Variants in PCDHA4 observed in about 807,000 individuals in gnomAD.
PCDHA4 encodes the protein protocadherin alpha 4.
Under a neutral mutation model 61.4 loss-of-function variants are expected in PCDHA4, and 49 were observed. The ratio of observed to expected loss-of-function variants is 0.80; its 90% CI spans 0.63 to 1.01. The LOEUF (loss-of-function observed/expected upper bound fraction) is 1.01, where lower values mean the gene tolerates loss of function less well. PCDHA4 is among the 50% of genes least tolerant of loss of function. The pLI, the probability that PCDHA4 is intolerant of heterozygous loss-of-function variation, is 0.00. For missense variants in PCDHA4, 1,254 were observed against 1,235.8 expected (o/e 1.01, Z -0.22); for synonymous variants, 590 against 550.3 (o/e 1.07, Z -1.01).
At chr5:140,879,329 T>A (rs2057946411) in intron 1 of PCDHA4, among the ~76,000 whole-genome samples, 1 of 152,182 alleles carries the variant, frequency 6.6e-6, no homozygotes, top group Non-Finnish European at 1.5e-5. Context: ...ACTTTTTTAG[T>A]TTGTTCAGCT....
chr5:140,833,938 G>A, intron 1 of PCDHA4, among the ~76,000 whole-genome samples: 1 of 152,088 alleles, frequency 6.6e-6, no homozygotes, highest in East Asian at 1.9e-4. Flanking sequence ...TTGTCACTTA[G>A]GTTTCTATCT....
At position 140,851,979 on chromosome 5, in the gene PCDHA4, G is replaced by A. The variant is rs117939942; in HGVS notation, c.2385+42407G>A. 36 of 976,672 alleles carry A rather than the reference G, an allele frequency of 3.7e-5. No individual in the cohort carries two copies. In the East Asian group the frequency reaches 3.7e-3, roughly 102 times the overall value. 60.5% of individuals were successfully genotyped at this position (976,672 alleles called of 1,614,324 possible). ...GGTGGTTTTCCACACTCTACCTTTA[G>A]TGCAAGCTATTTGTTTGTTTTCTAA... On this transcript the variant is annotated intron_variant, in intron 1 of 3. Coordinates refer to ENST00000530339, the MANE Select transcript of PCDHA4 (RefSeq NM_018907.4).
intron 1 of PCDHA4, among the ~76,000 whole-genome samples, chr5:140,941,693 G>C (rs2093147737): frequency 6.6e-6 from 1 of 151,900 alleles, no homozygotes; most frequent in South Asian, 2.1e-4. Flanking sequence ...TTACCTCTTT[G>C]GGCTTAGCTT....
intron 1 of PCDHA4, among the ~76,000 whole-genome samples, chr5:140,945,769 T>C (rs1358082978): frequency 1.3e-5 from 2 of 152,036 alleles, no homozygotes; most frequent in Non-Finnish European, 2.9e-5. Flanking sequence ...TGGGACAATT[T>C]GATATCCAGA....
chr5:141,000,185 G>A (rs1434179793), intron 3 of PCDHA4, among the ~76,000 whole-genome samples: 1 of 151,896 alleles, frequency 6.6e-6, no homozygotes, highest in African/African-American at 2.4e-5. Flanking sequence ...AGGAGTCAAT[G>A]TGAGAATAGT....
chr5:140,836,399 C>G (rs2150259749), intron 1 of PCDHA4: 9 of 1,613,764 alleles, frequency 5.6e-6, no homozygotes, highest in Non-Finnish European at 7.6e-6. Context: ...TGGTGGAAAG[C>G]GGCCAGGCAC....
At chr5:140,917,330 A>G (rs155802) in intron 1 of PCDHA4, among the ~76,000 whole-genome samples, 15,235 of 96,446 alleles carry the variant, frequency 0.16, 1,247 homozygotes, top group East Asian at 0.38. Context: ...GTGGCGGGGG[A>G]GGGGGGGGAT....
chr5:140,955,324 T>G (rs1358791050), intron 1 of PCDHA4, among the ~76,000 whole-genome samples: 8 of 152,186 alleles, frequency 5.3e-5, no homozygotes, highest in Non-Finnish European at 8.8e-5. Flanking sequence ...CCTTGAATTG[T>G]AGTTCCCATA....
chr5:140,918,680 C>A (rs1291001659), intron 1 of PCDHA4, among the ~76,000 whole-genome samples: 2 of 152,084 alleles, frequency 1.3e-5, no homozygotes, highest in Admixed American at 1.3e-4. Flanking sequence ...GAGGTGAGAC[C>A]TTTCAAACAT....
intron 1 of PCDHA4, chr5:140,869,322 C>T (rs1169893950): frequency 1.9e-6 from 3 of 1,613,818 alleles, no homozygotes; most frequent in East Asian, 4.5e-5. Flanking sequence ...CACATGGGGA[C>T]CTTCTGGAGG....
chr5:140,871,565 G>T, intron 1 of PCDHA4: 2 of 1,483,114 alleles, frequency 1.3e-6, no homozygotes, highest in South Asian at 2.7e-5. Context: ...TTTTTTTCAC[G>T]GATTTTTTAA....
intron 1 of PCDHA4, chr5:140,859,072 G>T (rs1168323371): frequency 6.6e-6 from 1 of 150,540 alleles, no homozygotes; most frequent in African/African-American, 2.4e-5. Flanking sequence ...AGTTGTAGTG[G>T]TACCTGTGTC....
intron 1 of PCDHA4, chr5:140,822,534 T>G (rs2150117075): frequency 6.2e-7 from 1 of 1,613,922 alleles, no homozygotes; most frequent in Non-Finnish European, 8.5e-7. Context: ...TGTTGGAAAA[T>G]GCACCAAGTG....
At chr5:140,856,925 T>G in intron 1 of PCDHA4, 1 of 1,595,180 alleles carries the variant, frequency 6.3e-7, no homozygotes, top group Non-Finnish European at 8.6e-7. Flanking sequence ...AAGGAAATTT[T>G]GGATAAACGA....
At chr5:140,863,966 A>G (rs1411552186) in intron 1 of PCDHA4, 1 of 154,822 alleles carries the variant, frequency 6.5e-6, no homozygotes, top group Non-Finnish European at 1.4e-5. Context: ...AGGCCACTGC[A>G]CTACAGCCTG....
At chr5:140,972,660 A>T (rs868975656) in intron 1 of PCDHA4, among the ~76,000 whole-genome samples, 47 of 117,276 alleles carry the variant, frequency 4.0e-4, no homozygotes, top group Non-Finnish European at 6.8e-4. Flanking sequence ...AAGAAACCAA[A>T]TTTTTTTTTT....
intron 1 of PCDHA4, among the ~76,000 whole-genome samples, chr5:140,924,429 A>G (rs1331551212): frequency 6.6e-6 from 1 of 152,184 alleles, no homozygotes; most frequent in Non-Finnish European, 1.5e-5. Flanking sequence ...CTAGTTCCCT[A>G]GAAGAGATAA....
At chr5:140,980,585 G>A (rs1181393743) in intron 2 of PCDHA4, among the ~76,000 whole-genome samples, 2 of 151,902 alleles carry the variant, frequency 1.3e-5, no homozygotes, top group African/African-American at 2.4e-5. Flanking sequence ...AGCCAAGATC[G>A]AGCCACTGCA....
At chr5:140,843,596 T>A in intron 1 of PCDHA4, 1 of 1,596,026 alleles carries the variant, frequency 6.3e-7, no homozygotes, top group Non-Finnish European at 8.6e-7. Flanking sequence ...GCAGAGGGTG[T>A]GCTCTGGTGA....
Sources: allele counts gnomAD v4.1 joint callset (sites outside exome capture counted in the v4.1 genomes callset), GRCh38; gene constraint gnomAD v4.1.1; transcripts MANE v1.5; gene names NCBI Gene and HGNC (gene_info 2026-07-23, HGNC 2026-07-21).